HS3ST5: variants seen among roughly 807,000 people sequenced by gnomAD.
HS3ST5 encodes the protein heparan sulfate-glucosamine 3-sulfotransferase 5, also known as heparan sulfate glucosamine 3-O-sulfotransferase 5.
In HS3ST5, 10 loss-of-function variants were observed where a neutral mutation model predicts 25.4. The observed-to-expected ratio is 0.39, with a 90% CI of 0.24 to 0.67. The LOEUF is 0.67. Among genes scored for constraint, HS3ST5 ranks in the 30% least tolerant of loss-of-function variants. The pLI is 0.44. For synonymous variants in HS3ST5, 170 were observed against 162.4 expected (o/e 1.05, Z -0.36); for missense variants, 324 against 420.7 (o/e 0.77, Z 2.01).
chr6:114,295,707 A>C (rs1035152496), intron 1 of HS3ST5, among the ~76,000 whole-genome samples: 5 of 152,174 alleles, frequency 3.3e-5, no homozygotes, highest in Non-Finnish European at 7.3e-5. Flanking sequence ...GGCCATGTAC[A>C]AGCAATTACT....
At chr6:114,115,992 C>A (rs1348592982) in intron 3 of HS3ST5, 1 of 151,960 alleles carries the variant, frequency 6.6e-6, no homozygotes, top group East Asian at 1.9e-4. Context: ...TTTTTTGATA[C>A]TAAAGCATAA....
chr6:114,221,075 C>T (rs1320591323), intron 2 of HS3ST5, among the ~76,000 whole-genome samples: 3 of 152,036 alleles, frequency 2.0e-5, no homozygotes, highest in Admixed American at 6.6e-5. Flanking sequence ...GACTTGCACA[C>T]ACCATCTAAC....
At chr6:114,299,010 A>G (rs956498760) in intron 1 of HS3ST5, among the ~76,000 whole-genome samples, 11 of 152,220 alleles carry the variant, frequency 7.2e-5, no homozygotes, top group African/African-American at 2.7e-4. Context: ...AACAAGAGAG[A>G]TAACCTTAAA....
At chr6:114,077,559 G>A (rs1774209952) in intron 3 of HS3ST5, among the ~76,000 whole-genome samples, 2 of 152,128 alleles carry the variant, frequency 1.3e-5, no homozygotes, top group African/African-American at 4.8e-5. Flanking sequence ...TAATATACAT[G>A]GTCCAAACAT....
chr6:114,206,140 T>C (rs1781268924), intron 2 of HS3ST5, among the ~76,000 whole-genome samples: 1 of 152,208 alleles, frequency 6.6e-6, no homozygotes, highest in Non-Finnish European at 1.5e-5. Context: ...TCGAACAGTT[T>C]TTAGGAGCTT....
intron 3 of HS3ST5, among the ~76,000 whole-genome samples, chr6:114,118,139 A>G (rs1776619746): frequency 6.6e-6 from 1 of 152,192 alleles, no homozygotes; most frequent in African/African-American, 2.4e-5. Context: ...TCCAGTTGTA[A>G]ATTATCCACA....
intron 3 of HS3ST5, among the ~76,000 whole-genome samples, chr6:114,082,436 T>C (rs546470704): frequency 6.6e-6 from 1 of 152,170 alleles, no homozygotes; most frequent in Non-Finnish European, 1.5e-5. Context: ...AGTAATTGCC[T>C]CCAAAATATA....
At chr6:114,169,613 C>T (rs73767060) in intron 2 of HS3ST5, among the ~76,000 whole-genome samples, 111 of 152,286 alleles carry the variant, frequency 7.3e-4, no homozygotes, top group African/African-American at 2.6e-3. Flanking sequence ...ATCCATAAGC[C>T]TGCTGACCTC....
At chr6:114,330,108 ATT>A (rs2114912464) in intron 1 of HS3ST5, among the ~76,000 whole-genome samples, 1 of 152,272 alleles carries the variant, frequency 6.6e-6, no homozygotes, top group East Asian at 1.9e-4. Context: ...TGCTGAGAAA[ATT>A]TAGATTATTC....
chr6:114,159,492 TA>T (rs1169978229), intron 3 of HS3ST5, among the ~76,000 whole-genome samples: 1 of 152,188 alleles, frequency 6.6e-6, no homozygotes, highest in Non-Finnish European at 1.5e-5. Flanking sequence ...ACTGTGTTCA[TA>T]AAAACAGGAA....
At chr6:114,319,390 T>G (rs1029058010) in intron 1 of HS3ST5, among the ~76,000 whole-genome samples, 1 of 152,174 alleles carries the variant, frequency 6.6e-6, no homozygotes, top group African/African-American at 2.4e-5. Context: ...TTGACTCTTA[T>G]ATAGTACAGC....
chr6:114,337,119 T>A (rs1057305971), intron 1 of HS3ST5, among the ~76,000 whole-genome samples: 2 of 152,232 alleles, frequency 1.3e-5, no homozygotes, highest in African/African-American at 4.8e-5. Flanking sequence ...TTCCATCTCA[T>A]AAAAGTTATT....
At chr6:114,274,442 G>A (rs547216505) in intron 1 of HS3ST5, among the ~76,000 whole-genome samples, 321 of 152,146 alleles carry the variant, frequency 2.1e-3, no homozygotes, top group African/African-American at 7.3e-3. Flanking sequence ...CTGCAAGGGA[G>A]CAGGCCTCAC....
chr6:114,228,874 G>A (rs1356580517), intron 1 of HS3ST5, 96 bp from the exon 2 acceptor site: 3 of 152,156 alleles, frequency 2.0e-5, no homozygotes, highest in Non-Finnish European at 4.4e-5. Context: ...ATTTAAACTT[G>A]GCCAGGGTTT....
intron 3 of HS3ST5, among the ~76,000 whole-genome samples, chr6:114,101,125 G>A (rs554860878): frequency 6.6e-5 from 10 of 152,220 alleles, no homozygotes; most frequent in South Asian, 2.1e-4. Context: ...TGGCAGTCTC[G>A]ATTAAATGTA....
chr6:114,167,294 G>A (rs1002209456), intron 3 of HS3ST5, among the ~76,000 whole-genome samples: 1 of 152,138 alleles, frequency 6.6e-6, no homozygotes, highest in Non-Finnish European at 1.5e-5. Context: ...TTTATCCAGG[G>A]ACACAGTGTT....
Position 114,172,684 on chromosome 6 carries a change from T to C in HS3ST5, c.-144-4222A>G, listed in dbSNP as rs530172976. On this transcript the variant is annotated intron_variant, in intron 2 of 4. Coordinates refer to ENST00000312719, the MANE Select transcript of HS3ST5 (RefSeq NM_153612.4). ...AAAAGAAAACTTTGAGAAACTAGTT[T>C]GAGATTTTAATTCTGCATTTCATCT... is the stretch of plus-strand genomic sequence containing the variant. Among the ~76,000 whole-genome samples the C allele has an allele frequency of 1.7e-4, 26 of 152,354 alleles. No homozygotes were observed. In the South Asian group the frequency reaches 5.4e-3, roughly 32 times the overall value.
chr6:114,254,720 C>G (rs545825682), intron 1 of HS3ST5, among the ~76,000 whole-genome samples: 3 of 152,254 alleles, frequency 2.0e-5, no homozygotes, highest in South Asian at 4.2e-4. Context: ...GGCAAGAGAA[C>G]ATGAGAACCA....
chr6:114,213,019 G>C (rs1781575433), intron 2 of HS3ST5, among the ~76,000 whole-genome samples: 1 of 152,114 alleles, frequency 6.6e-6, no homozygotes, highest in African/African-American at 2.4e-5. Context: ...CATACAGGAA[G>C]AATCAGGTCA....
Sources: allele counts gnomAD v4.1 joint callset (sites outside exome capture counted in the v4.1 genomes callset), GRCh38; gene constraint gnomAD v4.1.1; transcripts MANE v1.5; gene names NCBI Gene and HGNC (gene_info 2026-07-23, HGNC 2026-07-21).